The following ADGRB3 variants were observed in gnomAD, a reference collection of about 807,000 sequenced individuals.
The protein encoded by ADGRB3 is adhesion G protein-coupled receptor B3.
ADGRB3 carries 37 observed loss-of-function variants against 193.4 expected under a neutral mutation model. The ratio of observed to expected loss-of-function variants is 0.19; its 90% CI spans 0.15 to 0.25. The LOEUF is 0.25. Ranked by LOEUF, ADGRB3 falls within the 10% of genes least tolerant of loss-of-function variation. ADGRB3 has a pLI of 1.00. For missense variants in ADGRB3, 1,637 were observed against 1,852.9 expected (o/e 0.88, Z 2.14); for synonymous variants, 690 against 644.2 (o/e 1.07, Z -1.08).
chr6:69,205,625 A>C (rs1765521741), intron 17 of ADGRB3, among the ~76,000 whole-genome samples: 1 of 152,044 alleles, frequency 6.6e-6, no homozygotes, highest in African/African-American at 2.4e-5. Context: ...CCATGGTGAA[A>C]TGTGGGAGGC....
chr6:68,787,045 G>A (rs969331209), intron 3 of ADGRB3, among the ~76,000 whole-genome samples: 2 of 152,266 alleles, frequency 1.3e-5, no homozygotes, highest in African/African-American at 4.8e-5. Flanking sequence ...AGCTTGAGGA[G>A]ATTTTGGGCT....
At chr6:69,325,729 G>A (rs190110125) in intron 21 of ADGRB3, among the ~76,000 whole-genome samples, 11 of 152,328 alleles carry the variant, frequency 7.2e-5, no homozygotes, top group African/African-American at 2.4e-4. Flanking sequence ...CATATGGGAT[G>A]CTAGGAGGAA....
intron 17 of ADGRB3, among the ~76,000 whole-genome samples, chr6:69,124,480 G>A (rs934029694): frequency 1.3e-5 from 2 of 152,152 alleles, no homozygotes; most frequent in Non-Finnish European, 2.9e-5. Flanking sequence ...ATCTCAGTGT[G>A]TATGTGATTC....
chr6:69,345,176 A>G (rs1226693986), intron 26 of ADGRB3, among the ~76,000 whole-genome samples: 3 of 152,170 alleles, frequency 2.0e-5, no homozygotes, highest in Non-Finnish European at 2.9e-5. Flanking sequence ...TTCAAAGTTC[A>G]TAAGTAGCTC....
intron 17 of ADGRB3, among the ~76,000 whole-genome samples, chr6:69,175,398 C>A (rs750047184): frequency 1.3e-5 from 2 of 152,120 alleles, no homozygotes; most frequent in Non-Finnish European, 2.9e-5. Flanking sequence ...AATAGGGAGT[C>A]CTTTTCTCAT....
At chr6:69,224,050 A>G (rs1460816351) in intron 17 of ADGRB3, among the ~76,000 whole-genome samples, 1 of 152,054 alleles carries the variant, frequency 6.6e-6, no homozygotes. Flanking sequence ...AATATAACAG[A>G]GCAAACAATA....
intron 17 of ADGRB3, among the ~76,000 whole-genome samples, chr6:69,182,774 C>A (rs9689572): frequency 0.14 from 21,424 of 151,996 alleles, 1,549 homozygotes; most frequent in Middle Eastern, 0.16. Context: ...TAATTTGTAG[C>A]ATTTGTCAAT....
chr6:69,348,669 A>G (rs1769159561), intron 26 of ADGRB3, among the ~76,000 whole-genome samples: 1 of 152,030 alleles, frequency 6.6e-6, no homozygotes, highest in African/African-American at 2.4e-5. Flanking sequence ...CAAAAAAAAA[A>G]AAGAAGAAGA....
chr6:68,886,345 T>C (rs1325078882), intron 3 of ADGRB3, among the ~76,000 whole-genome samples: 2 of 152,132 alleles, frequency 1.3e-5, no homozygotes, highest in Non-Finnish European at 2.9e-5. Flanking sequence ...TTCTTTAATG[T>C]AATTCTTCAT....
At chr6:69,217,942 G>C (rs1285630013) in intron 17 of ADGRB3, among the ~76,000 whole-genome samples, 3 of 151,878 alleles carry the variant, frequency 2.0e-5, no homozygotes, top group Non-Finnish European at 4.4e-5. Flanking sequence ...CAGGTGATGA[G>C]GAGCTCGCCT....
intron 3 of ADGRB3, among the ~76,000 whole-genome samples, chr6:68,723,900 G>C (rs116464333): frequency 6.2e-4 from 94 of 151,644 alleles, no homozygotes; most frequent in African/African-American, 2.0e-3. Context: ...TAAGAGGTTT[G>C]TACTGACATC....
chr6:68,740,291 G>A (rs1252596481), intron 3 of ADGRB3, among the ~76,000 whole-genome samples: 1 of 152,138 alleles, frequency 6.6e-6, no homozygotes, highest in Non-Finnish European at 1.5e-5. Context: ...GGGCGTGGTG[G>A]CATAGGCCAT....
chr6:68,803,321 T>G (rs1387874930), intron 3 of ADGRB3, among the ~76,000 whole-genome samples: 1 of 152,180 alleles, frequency 6.6e-6, no homozygotes, highest in Non-Finnish European at 1.5e-5. Flanking sequence ...GAGTTCCATA[T>G]TTTTTGCATT....
At chr6:69,168,988 T>C (rs1180684107) in intron 17 of ADGRB3, among the ~76,000 whole-genome samples, 1 of 152,130 alleles carries the variant, frequency 6.6e-6, no homozygotes. Context: ...AAATTTGATG[T>C]GTTTTAAAGG....
At chr6:68,719,226 A>G (rs1224065166) in intron 3 of ADGRB3, among the ~76,000 whole-genome samples, 6 of 151,722 alleles carry the variant, frequency 4.0e-5, no homozygotes, top group Non-Finnish European at 8.8e-5. Context: ...TAGTGCTTCA[A>G]TAGAACCTTC....
chr6:69,309,054 A>G (rs188445758), intron 20 of ADGRB3, among the ~76,000 whole-genome samples: 144 of 151,846 alleles, frequency 9.5e-4, no homozygotes, highest in African/African-American at 2.8e-3. Context: ...TCATCTCCAC[A>G]ACAACAGTGA....
chr6:69,077,104 C>A (rs1292571789), intron 17 of ADGRB3, among the ~76,000 whole-genome samples: 1 of 151,958 alleles, frequency 6.6e-6, no homozygotes, highest in Non-Finnish European at 1.5e-5. Context: ...TACTACTAGT[C>A]CAGTACAATA....
At chr6:69,056,122 G>A (rs1771539704) in intron 15 of ADGRB3, among the ~76,000 whole-genome samples, 2 of 151,948 alleles carry the variant, frequency 1.3e-5, no homozygotes, top group South Asian at 4.1e-4. Flanking sequence ...GAGCCACCCC[G>A]CCCAGCCTGT....
At chr6:69,237,231 G>T (rs561333785) in intron 19 of ADGRB3, among the ~76,000 whole-genome samples, 3 of 152,058 alleles carry the variant, frequency 2.0e-5, no homozygotes, top group East Asian at 1.9e-4. Flanking sequence ...AGCATGTTAG[G>T]TTCCTACCAC....
Sources: allele counts gnomAD v4.1 joint callset (sites outside exome capture counted in the v4.1 genomes callset), GRCh38; gene constraint gnomAD v4.1.1; transcripts MANE v1.5; gene names NCBI Gene and HGNC (gene_info 2026-07-23, HGNC 2026-07-21).